The following UNC13C variants were observed in gnomAD, a reference collection of about 807,000 sequenced individuals.
The protein encoded by UNC13C is unc-13 homolog C.
In UNC13C, 174 loss-of-function variants were observed where a neutral mutation model predicts 245.4. That is an observed-to-expected ratio of 0.71 (90% CI 0.63 to 0.80). The LOEUF is 0.80. Among genes scored for constraint, UNC13C ranks in the 30% least tolerant of loss-of-function variants. The probability of loss-of-function intolerance (pLI) is 0.00; values close to 1 mark genes in which losing one functional copy is unlikely to be tolerated. For missense variants in UNC13C, 2,829 were observed against 2,602.9 expected, an observed-to-expected ratio of 1.09 and a Z score of -1.89; for synonymous variants, 992 against 895.1, an observed-to-expected ratio of 1.11 and a Z score of -1.93.
intron 7 of UNC13C, among the ~76,000 whole-genome samples, chr15:54,238,391 A>T (rs930076354): frequency 6.6e-6 from 1 of 152,022 alleles, no homozygotes; most frequent in Admixed American, 6.6e-5. Flanking sequence ...GCATTTATTC[A>T]TAACCTCCAT....
At position 54,373,406 on chromosome 15, in the gene UNC13C, G is replaced by A. The variant is rs555030260; in HGVS notation, c.4714-19642G>A. 5.3e-5 allele frequency among the ~76,000 whole-genome samples: 8 copies of A among 152,250 alleles called. No homozygotes were observed. In the East Asian group the frequency reaches 1.4e-3, roughly 26 times the overall value. On this transcript the variant is annotated intron_variant, in intron 17 of 32. Coordinates refer to ENST00000260323, the MANE Select transcript of UNC13C (RefSeq NM_001080534.3). ...CTGGCCTGGATCCCATTCCTTCAAG[G>A]GTGAACCAGGCATGAAGCAGTGAGG...
At chr15:54,024,177 C>A (rs891028130) in intron 2 of UNC13C, among the ~76,000 whole-genome samples, 9 of 152,102 alleles carry the variant, frequency 5.9e-5, no homozygotes, top group African/African-American at 2.2e-4. Flanking sequence ...GCAGAGAAAA[C>A]CTGCCACCTG....
intron 17 of UNC13C, among the ~76,000 whole-genome samples, chr15:54,355,233 A>C (rs2039068747): frequency 6.6e-6 from 1 of 152,244 alleles, no homozygotes; most frequent in African/African-American, 2.4e-5. Flanking sequence ...ACAAACTTAA[A>C]ACTTTACTTA....
chr15:53,837,978 T>C, the UNC13C span, among the ~76,000 whole-genome samples: 1 of 152,170 alleles, frequency 6.6e-6, no homozygotes, highest in African/African-American at 2.4e-5. Context: ...CTTATTTAGC[T>C]TAATCTTACT....
the UNC13C span, among the ~76,000 whole-genome samples, chr15:53,864,874 G>A: frequency 6.6e-6 from 1 of 152,178 alleles, no homozygotes; most frequent in East Asian, 1.9e-4. Context: ...TGTAAGGGTA[G>A]AGAGAAAAGT....
intron 19 of UNC13C, among the ~76,000 whole-genome samples, chr15:54,457,892 G>GTTTTTTTTTTTTTTCTTTTTTT (rs34133938): frequency 8.1e-6 from 1 of 122,992 alleles, no homozygotes; most frequent in Non-Finnish European, 1.6e-5. Flanking sequence ...TCTGCTTTTC[G>GTTTTTTTTTTTTTTCTTTTTTT]TTTTTTTTTT....
the UNC13C span, among the ~76,000 whole-genome samples, chr15:53,875,521 A>G: frequency 6.6e-6 from 1 of 152,102 alleles, no homozygotes; most frequent in Admixed American, 6.6e-5. Flanking sequence ...ATATTAGATC[A>G]GGGGTGAAGA....
chr15:54,063,348 T>G (rs150896154), intron 2 of UNC13C, among the ~76,000 whole-genome samples: 1 of 152,014 alleles, frequency 6.6e-6, no homozygotes, highest in Non-Finnish European at 1.5e-5. Flanking sequence ...AAGGGGGCGA[T>G]AGGCAAGAAT....
At chr15:53,921,456 T>G in the UNC13C span, among the ~76,000 whole-genome samples, 2 of 152,360 alleles carry the variant, frequency 1.3e-5, no homozygotes, top group South Asian at 2.1e-4. Context: ...TGAGTGAATA[T>G]AAACATTCTG....
At chr15:54,385,907 C>T (rs2039827679) in intron 17 of UNC13C, among the ~76,000 whole-genome samples, 1 of 152,144 alleles carries the variant, frequency 6.6e-6, no homozygotes. Flanking sequence ...AATTAACTTA[C>T]AGCTAGACCT....
At chr15:54,231,797 G>C (rs958553691) in intron 4 of UNC13C, among the ~76,000 whole-genome samples, 5 of 152,014 alleles carry the variant, frequency 3.3e-5, no homozygotes, top group African/African-American at 1.2e-4. Flanking sequence ...TTACTTGTCT[G>C]CTATGGTCTG....
chr15:54,486,848 AG>A (rs1348684321), intron 19 of UNC13C, among the ~76,000 whole-genome samples: 2 of 152,128 alleles, frequency 1.3e-5, no homozygotes, highest in Non-Finnish European at 2.9e-5. Flanking sequence ...CTAATTTTTC[AG>A]GTCTATGGCT....
At chr15:53,960,380 G>T in the UNC13C span, among the ~76,000 whole-genome samples, 4 of 149,888 alleles carry the variant, frequency 2.7e-5, no homozygotes, top group Non-Finnish European at 5.9e-5. Flanking sequence ...TTATAGGATC[G>T]TAAGAAAGGA....
intron 26 of UNC13C, among the ~76,000 whole-genome samples, chr15:54,543,770 C>G (rs563056975): frequency 6.6e-6 from 1 of 152,106 alleles, no homozygotes; most frequent in South Asian, 2.1e-4. Context: ...CTGAATAGAC[C>G]AATAACAAGT....
intron 30 of UNC13C, among the ~76,000 whole-genome samples, chr15:54,583,998 C>G (rs1012815028): frequency 1.3e-5 from 2 of 152,196 alleles, no homozygotes; most frequent in African/African-American, 4.8e-5. Context: ...GACTTCCCCT[C>G]GGGCTCCTGC....
intron 2 of UNC13C, among the ~76,000 whole-genome samples, chr15:54,110,428 A>G (rs995070994): frequency 6.6e-6 from 1 of 152,234 alleles, no homozygotes; most frequent in Non-Finnish European, 1.5e-5. Context: ...GTTAGGTCAA[A>G]TGAGATCTGA....
the UNC13C span, among the ~76,000 whole-genome samples, chr15:53,938,368 C>G: frequency 7.9e-5 from 12 of 152,328 alleles, no homozygotes; most frequent in South Asian, 2.3e-3. Context: ...CACCCAGATT[C>G]ATGAAGCAAG....
the UNC13C span, among the ~76,000 whole-genome samples, chr15:53,932,217 G>A: frequency 6.6e-6 from 1 of 152,060 alleles, no homozygotes; most frequent in Non-Finnish European, 1.5e-5. Flanking sequence ...GCTGAGGCAG[G>A]AGAATCGCTT....
chr15:54,014,378 A>G lies in UNC13C; in HGVS notation c.1475A>G (p.Lys492Arg), dbSNP rs1260145665. The G allele has an allele frequency of 1.2e-6, 2 of 1,613,902 alleles. No individual in the cohort carries two copies. Among genetic ancestry groups the G allele is most frequent in the South Asian group, 2.2e-5 (2 of 91,082 alleles). ...TCAAAATCACACAGTGCTAGATCCA[A>G]GAATAAAACTGCTAATAGCAGCAGA... ...PSSKSHSARSKNKTANSSRIS... is the reference protein window; with the variant it reads ...PSSKSHSARSRNKTANSSRIS... The change falls in exon 2 of 33, where the codon AAG becomes AGG. Residue 492 changes from lysine (K) to arginine (R), a missense_variant. Transcript: ENST00000260323.
Sources: allele counts gnomAD v4.1 joint callset (sites outside exome capture counted in the v4.1 genomes callset), GRCh38; gene constraint gnomAD v4.1.1; transcripts MANE v1.5; gene names NCBI Gene and HGNC (gene_info 2026-07-23, HGNC 2026-07-21).